The following NIM1K variants were observed in gnomAD, a reference collection of about 807,000 sequenced individuals.
The protein encoded by NIM1K is serine/threonine-protein kinase NIM1.
Under a neutral mutation model 37.1 loss-of-function variants are expected in NIM1K, and 35 were observed. The ratio of observed to expected loss-of-function variants is 0.94; its 90% CI spans 0.72 to 1.25. The LOEUF (loss-of-function observed/expected upper bound fraction) is 1.25. Ranked by LOEUF, NIM1K falls within the 50% of genes most tolerant of loss-of-function variation. NIM1K has a pLI of 0.00. For missense variants in NIM1K, 564 were observed against 548.0 expected (o/e 1.03, Z -0.29); for synonymous variants, 234 against 206.6 (o/e 1.13, Z -1.14).
chr5:43,207,663 T>C (rs1184665435), intron 1 of NIM1K: 1 of 574,386 alleles, frequency 1.7e-6, no homozygotes, highest in Non-Finnish European at 3.4e-6. Flanking sequence ...GAAGCGCTGT[T>C]GCTCTATGAA....
intron 1 of NIM1K, among the ~76,000 whole-genome samples, chr5:43,236,123 A>G (rs1752617863): frequency 6.6e-6 from 1 of 151,920 alleles, no homozygotes; most frequent in Admixed American, 6.6e-5. Flanking sequence ...AAAAATAACC[A>G]GGCATGGTGG....
chr5:43,217,831 C>A (rs1423891271), intron 1 of NIM1K, among the ~76,000 whole-genome samples: 1 of 151,294 alleles, frequency 6.6e-6, no homozygotes, highest in Non-Finnish European at 1.5e-5. Context: ...CCTGCCTCAG[C>A]CTCCCGAGTA....
intron 1 of NIM1K, among the ~76,000 whole-genome samples, chr5:43,217,378 A>T (rs908727249): frequency 6.6e-6 from 1 of 151,542 alleles, no homozygotes; most frequent in Non-Finnish European, 1.5e-5. Context: ...TCAGTTGATG[A>T]ATATTGGATT....
rs1229537356 is a variant in NIM1K, at chr5:43,206,716, AG to A, written c.-695+14306del. The A allele has an allele frequency of 1.3e-5, 9 of 717,828 alleles. 1 individual carries two copies. Among genetic ancestry groups the A allele is most frequent in the East Asian group, 1.0e-4 (4 of 38,552 alleles). The allele number at this position is 717,828 out of a possible 1,614,324, so 44.5% of individuals were successfully genotyped here. ...GCACAGGGCCTCGCCTCACTAAGGC[AG>A]CAGCACAGCACACTTGACTTCATGC... On this transcript the variant is annotated intron_variant, in intron 1 of 3. Coordinates refer to ENST00000326035, the MANE Select transcript of NIM1K (RefSeq NM_153361.4).
chr5:43,196,596 C>T (rs1205264447), intron 1 of NIM1K, among the ~76,000 whole-genome samples: 1 of 152,016 alleles, frequency 6.6e-6, no homozygotes, highest in Non-Finnish European at 1.5e-5. Flanking sequence ...GATCGCGCCA[C>T]TGCACTCCAG....
At chr5:43,279,887 CCAT>C in intron 3 of NIM1K, 90 bp from the exon 4 acceptor site, 1 of 1,011,626 alleles carries the variant, frequency 9.9e-7, no homozygotes, top group South Asian at 1.6e-5. Context: ...TGTTATTCCA[CCAT>C]CATTATCTCA....
intron 1 of NIM1K, among the ~76,000 whole-genome samples, chr5:43,244,193 C>CATGGAAA (rs1336635820): frequency 3.3e-5 from 5 of 152,208 alleles, no homozygotes; most frequent in African/African-American, 9.6e-5. Flanking sequence ...CCAAGGCAGT[C>CATGGAAA]TCTCATGTTT....
Position 43,277,179 on chromosome 5 carries a change from G to T in NIM1K, c.415G>T (p.Val139Leu), listed in dbSNP as rs1323518949. ...HHPNIIRLYE[V>L]VETLSKLHLV... ...TCCCAACATCATCCGCCTTTACGAA[G>T]TGGTGGAGACCCTATCCAAGCTGCA... Residue 139 changes from valine (V) to leucine (L), a missense_variant, in exon 3 of 4, where the codon GTG (valine) becomes TTG (leucine). By Grantham distance (32) the Val-to-Leu change is conservative (BLOSUM62 1). Transcript: ENST00000326035. The T allele has an allele frequency of 6.2e-7, 1 of 1,614,160 alleles. No individual in the cohort carries two copies. Among genetic ancestry groups the T allele is most frequent in the Non-Finnish European group, 8.5e-7 (1 of 1,180,014 alleles).
intron 1 of NIM1K, among the ~76,000 whole-genome samples, chr5:43,223,726 A>G (rs185753846): frequency 6.6e-6 from 1 of 152,328 alleles, no homozygotes; most frequent in African/African-American, 2.4e-5. Flanking sequence ...AAAATCTGAT[A>G]GGTGGGAAAC....
chr5:43,249,583 A>G (rs1752837723), intron 2 of NIM1K, among the ~76,000 whole-genome samples: 1 of 152,210 alleles, frequency 6.6e-6, no homozygotes, highest in Non-Finnish European at 1.5e-5. Context: ...TATGTGAACC[A>G]AAACAGGTGA....
chr5:43,214,813 CAAAAAAA>C (rs369233525), intron 1 of NIM1K, among the ~76,000 whole-genome samples: 1 of 71,738 alleles, frequency 1.4e-5, no homozygotes, highest in African/African-American at 5.5e-5. Context: ...GACTCCGTCT[CAAAAAAA>C]AAAAAAAAAA....
At chr5:43,209,079 G>A (rs1752167588) in intron 1 of NIM1K, among the ~76,000 whole-genome samples, 1 of 152,162 alleles carries the variant, frequency 6.6e-6, no homozygotes, top group South Asian at 2.1e-4. Flanking sequence ...TGCTGGAAGC[G>A]ACTAACACAT....
intron 1 of NIM1K, among the ~76,000 whole-genome samples, chr5:43,221,215 C>T (rs765977700): frequency 9.2e-5 from 14 of 152,016 alleles, no homozygotes; most frequent in Non-Finnish European, 1.9e-4. Flanking sequence ...TGGCTCATGC[C>T]TGTAATCCCA....
In NIM1K at chr5:43,259,271, G is replaced by A. The variant is rs113143559; in HGVS notation, c.292+13204G>A. ...TTCTTTTCCTTTGGGGAGATACCCA[G>A]TAGGGGATTGTTGGATCAAATGGTA... On this transcript the variant is annotated intron_variant, in intron 2 of 3. Coordinates refer to ENST00000326035, the MANE Select transcript of NIM1K (RefSeq NM_153361.4). Among the ~76,000 whole-genome samples, 242 of 152,270 alleles carry A rather than the reference G, an allele frequency of 1.6e-3. 1 individual carries two copies. The highest frequency in any genetic ancestry group is 5.4e-3 in the African/African-American group (226 of 41,552).
chr5:43,217,064 C>G (rs1752310326), intron 1 of NIM1K, among the ~76,000 whole-genome samples: 1 of 152,170 alleles, frequency 6.6e-6, no homozygotes, highest in African/African-American at 2.4e-5. Flanking sequence ...TACACCACTA[C>G]TATCAATTTT....
chr5:43,221,164 CTT>C (rs1372788228), intron 1 of NIM1K, among the ~76,000 whole-genome samples: 4 of 152,232 alleles, frequency 2.6e-5, no homozygotes, highest in Non-Finnish European at 5.9e-5. Context: ...AGAAGAGTGC[CTT>C]TCTGATTTGT....
chr5:43,275,408 T>C (rs1753323219), intron 2 of NIM1K, among the ~76,000 whole-genome samples: 1 of 152,210 alleles, frequency 6.6e-6, no homozygotes, highest in Non-Finnish European at 1.5e-5. Flanking sequence ...ATGCATCAGA[T>C]TCTTTAAGAT....
At chr5:43,221,234 G>A (rs753253746) in intron 1 of NIM1K, among the ~76,000 whole-genome samples, 5 of 151,946 alleles carry the variant, frequency 3.3e-5, no homozygotes, top group South Asian at 2.1e-4. Flanking sequence ...CAGCACTTTC[G>A]GAGGCTGTGG....
chr5:43,212,035 T>C (rs1222061089), intron 1 of NIM1K, among the ~76,000 whole-genome samples: 2 of 152,170 alleles, frequency 1.3e-5, no homozygotes, highest in African/African-American at 4.8e-5. Context: ...CCTAGATGCA[T>C]TGAGAAATAT....
Sources: allele counts gnomAD v4.1 joint callset (sites outside exome capture counted in the v4.1 genomes callset), GRCh38; gene constraint gnomAD v4.1.1; transcripts MANE v1.5; gene names NCBI Gene and HGNC (gene_info 2026-07-23, HGNC 2026-07-21).